PDE1A: variants seen among roughly 807,000 people sequenced by gnomAD.
PDE1A encodes phosphodiesterase 1A, also known as dual specificity calcium/calmodulin-dependent 3',5'-cyclic nucleotide phosphodiesterase 1A.
A neutral mutation model predicts 61.7 loss-of-function variants in PDE1A; 35 were observed. The observed-to-expected ratio is 0.57, with a 90% CI of 0.43 to 0.75. PDE1A has a LOEUF of 0.75. PDE1A is among the 30% of genes least tolerant of loss of function. PDE1A has a pLI of 0.00. For synonymous variants in PDE1A, 232 were observed against 213.2 expected, an observed-to-expected ratio of 1.09 and a Z score of -0.77; for missense variants, 597 against 630.6, an observed-to-expected ratio of 0.95 and a Z score of 0.57.
At chr2:182,254,806 C>T (rs1691656738) in intron 2 of PDE1A, among the ~76,000 whole-genome samples, 1 of 152,124 alleles carries the variant, frequency 6.6e-6, no homozygotes, top group Non-Finnish European at 1.5e-5. Flanking sequence ...GTTTTCACTG[C>T]AGAGACAACA....
At chr2:182,230,146 T>G in exon 6 of PDE1A, 1 of 1,610,768 alleles carries the variant, frequency 6.2e-7, no homozygotes, top group South Asian at 1.1e-5. Context: ...GAAACAGGAA[T>G]CTGTGGAAAG....
chr2:182,559,156 T>C, the PDE1A span, among the ~76,000 whole-genome samples: 7 of 152,068 alleles, frequency 4.6e-5, no homozygotes. Flanking sequence ...CATTATAACA[T>C]TAAAATTAAA....
chr2:182,356,186 C>CAT (rs1428588787), intron 1 of PDE1A, among the ~76,000 whole-genome samples: 4 of 151,976 alleles, frequency 2.6e-5, no homozygotes, highest in South Asian at 2.1e-4. Flanking sequence ...GGCTCATGTG[C>CAT]ATAATCCCAG....
At chr2:182,151,515 C>A (rs1235336983) in intron 13 of PDE1A, among the ~76,000 whole-genome samples, 1 of 152,202 alleles carries the variant, frequency 6.6e-6, no homozygotes, top group African/African-American at 2.4e-5. Flanking sequence ...GATCCTCTGA[C>A]AAAGGACAAC....
intron 1 of PDE1A, among the ~76,000 whole-genome samples, chr2:182,383,285 C>G (rs1020537501): frequency 6.6e-5 from 10 of 152,090 alleles, no homozygotes; most frequent in Admixed American, 1.3e-4. Context: ...TTCAAATTCT[C>G]AAGTGCTTCT....
At chr2:182,556,267 C>T in the PDE1A span, among the ~76,000 whole-genome samples, 2 of 152,120 alleles carry the variant, frequency 1.3e-5, no homozygotes, top group South Asian at 2.1e-4. Context: ...CAAAGATCCA[C>T]CAAAGAAAAT....
At chr2:182,218,210 A>C (rs927029614) in intron 7 of PDE1A, among the ~76,000 whole-genome samples, 3 of 146,092 alleles carry the variant, frequency 2.1e-5, no homozygotes, top group African/African-American at 7.6e-5. Context: ...ATAGGTGGGA[A>C]TTGAACAATG....
At chr2:182,332,604 C>T (rs1428042100) in intron 1 of PDE1A, among the ~76,000 whole-genome samples, 5 of 152,084 alleles carry the variant, frequency 3.3e-5, no homozygotes, top group Middle Eastern at 3.4e-3. Context: ...TTCATTTTCC[C>T]GCTGCAGGTC....
At chr2:182,701,252 G>T in the PDE1A span, among the ~76,000 whole-genome samples, 2 of 151,748 alleles carry the variant, frequency 1.3e-5, no homozygotes, top group Non-Finnish European at 2.9e-5. Context: ...AGCCAGGATG[G>T]TCTCGATCTC....
intron 13 of PDE1A, among the ~76,000 whole-genome samples, chr2:182,148,857 C>A (rs1559115638): frequency 1.3e-5 from 2 of 152,222 alleles, no homozygotes; most frequent in East Asian, 3.9e-4. Context: ...AAGAAGGAAG[C>A]ATTTCTGCAC....
chr2:182,626,025 G>A, the PDE1A span, among the ~76,000 whole-genome samples: 2 of 152,146 alleles, frequency 1.3e-5, no homozygotes, highest in East Asian at 1.9e-4. Context: ...GAATGGTAAC[G>A]CTGACAAAGC....
intron 1 of PDE1A, among the ~76,000 whole-genome samples, chr2:182,293,561 T>A (rs1253039110): frequency 6.6e-6 from 1 of 152,100 alleles, no homozygotes; most frequent in Non-Finnish European, 1.5e-5. Flanking sequence ...ATCATGATAG[T>A]ATGAATAATA....
At chr2:182,277,081 G>T (rs1389940683) in intron 1 of PDE1A, among the ~76,000 whole-genome samples, 2 of 152,058 alleles carry the variant, frequency 1.3e-5, no homozygotes, top group Non-Finnish European at 2.9e-5. Flanking sequence ...TTTGCCTTGT[G>T]ATCTTTGCTT....
chr2:182,679,022 T>TTGAGTCA, the PDE1A span, among the ~76,000 whole-genome samples: 1 of 149,792 alleles, frequency 6.7e-6, no homozygotes, highest in African/African-American at 2.4e-5. Context: ...TTTTTTTTTT[T>TTGAGTCA]GAGTCAGAGT....
At chr2:182,374,005 A>ATTAATTAT (rs776811906) in intron 1 of PDE1A, among the ~76,000 whole-genome samples, 20 of 152,232 alleles carry the variant, frequency 1.3e-4, no homozygotes, top group Non-Finnish European at 2.9e-4. Flanking sequence ...CACAGCAGTC[A>ATTAATTAT]TTCAATTATT....
the PDE1A span, among the ~76,000 whole-genome samples, chr2:182,608,903 G>A: frequency 6.6e-6 from 1 of 152,224 alleles, no homozygotes; most frequent in Admixed American, 6.5e-5. Flanking sequence ...CTAGCTAAGG[G>A]ATTGTAAATA....
intron 1 of PDE1A, among the ~76,000 whole-genome samples, chr2:182,364,407 T>G (rs1037237788): frequency 2.7e-5 from 4 of 145,994 alleles, no homozygotes; most frequent in African/African-American, 1.0e-4. Flanking sequence ...ACTCTATCAA[T>G]TTTAGTTTAA....
the PDE1A span, among the ~76,000 whole-genome samples, chr2:182,658,578 T>C: frequency 2.0e-5 from 3 of 152,212 alleles, no homozygotes; most frequent in African/African-American, 7.2e-5. Context: ...TATAATGACA[T>C]AGCATAGGTG....
chr2:182,630,599 T>C, the PDE1A span, among the ~76,000 whole-genome samples: 1 of 152,224 alleles, frequency 6.6e-6, no homozygotes, highest in Non-Finnish European at 1.5e-5. Context: ...TATTCCTTCA[T>C]GAAAATTTTT....
Sources: gnomAD v4.1 joint callset for allele counts (sites outside exome capture counted in the v4.1 genomes callset) on GRCh38, gnomAD v4.1.1 for gene constraint, MANE v1.5 for transcripts, NCBI Gene and HGNC (gene_info 2026-07-23, HGNC 2026-07-21) for gene names.